Variants in TM4SF19 observed in about 807,000 individuals in gnomAD.
TM4SF19 encodes transmembrane 4 L6 family member 19.
Under a neutral mutation model 21.8 loss-of-function variants are expected in TM4SF19, and 17 were observed. That is an observed-to-expected ratio of 0.78 (90% CI 0.53 to 1.17). TM4SF19 has a LOEUF of 1.17. Among genes scored for constraint, TM4SF19 ranks in the 50% most tolerant of loss-of-function variants. TM4SF19 has a pLI of 0.00. For synonymous variants in TM4SF19, 107 were observed against 106.7 expected (o/e 1.00, Z -0.02); for missense variants, 216 against 252.1 (o/e 0.86, Z 0.97).
intron 1 of TM4SF19, 114 bp from the exon 2 acceptor site, chr3:196,327,705 G>A: frequency 3.6e-6 from 3 of 835,950 alleles, no homozygotes; most frequent in East Asian, 5.3e-5. Flanking sequence ...CCACCTTCCA[G>A]GGTCAGACCA....
intron 1 of TM4SF19, among the ~76,000 whole-genome samples, chr3:196,328,257 G>A (rs1324171014): frequency 2.0e-5 from 3 of 151,334 alleles, no homozygotes; most frequent in African/African-American, 4.9e-5. Flanking sequence ...CTGAGATCAT[G>A]CCACTGCACT....
In TM4SF19 at chr3:196,323,766, A is replaced by C. The variant is rs1354875085; in HGVS notation, c.*51T>G. 2 of 1,614,076 alleles carry C rather than the reference A, an allele frequency of 1.2e-6. No individual in the cohort carries two copies. Among genetic ancestry groups the C allele is most frequent in the Non-Finnish European group, 1.7e-6 (2 of 1,180,002 alleles). The stretch of plus-strand genomic sequence containing the variant: ...TACCCACTCCTTGTAGAAAGGATTC[A>C]AGACAGCCGATGATGAAAACACCCA... On this transcript the variant is annotated 3_prime_UTR_variant, in exon 5 of 5. Coordinates refer to ENST00000273695, the MANE Select transcript of TM4SF19 (RefSeq NM_138461.4).
intron 1 of TM4SF19, among the ~76,000 whole-genome samples, chr3:196,333,266 C>T (rs557034357): frequency 2.0e-5 from 3 of 152,160 alleles, no homozygotes; most frequent in African/African-American, 4.8e-5. Flanking sequence ...AGAAACCTGT[C>T]GTAAAGTTGG....
intron 1 of TM4SF19, among the ~76,000 whole-genome samples, chr3:196,338,031 A>G (rs1235986950): frequency 6.6e-6 from 1 of 152,212 alleles, no homozygotes; most frequent in Non-Finnish European, 1.5e-5. Context: ...TCCCGGAGGA[A>G]GGGCTGCCCA....
rs569125455 is a variant in TM4SF19 at position 196,330,073 on chromosome 3, T to C, written c.-1-2482A>G. The stretch of plus-strand genomic sequence containing the variant: ...TTTTAGTAGAGACAGGGTTTCACTA[T>C]GTTGGCCAGGCTGGTCTTGAACTCC... On this transcript the variant is annotated intron_variant, in intron 1 of 4. Transcript: ENST00000273695. Among the ~76,000 whole-genome samples, 15 of 152,132 alleles carry C rather than the reference T, an allele frequency of 9.9e-5. No individual in the cohort carries two copies. In the South Asian group the frequency reaches 2.9e-3, roughly 29 times the overall value.
In TM4SF19 at chr3:196,331,782, C is replaced by T. The variant is rs569549258; in HGVS notation, c.-1-4191G>A. On this transcript the variant is annotated intron_variant, in intron 1 of 4. Transcript: ENST00000273695. Reference sequence around the variant, plus strand: ...AGCCTGGACAACAAGAGTGAAACTCCGTCTCAGAAGAAAAAAAAATGTAAT... The same window carrying T: ...AGCCTGGACAACAAGAGTGAAACTCTGTCTCAGAAGAAAAAAAAATGTAAT... Among the ~76,000 whole-genome samples the T allele has an allele frequency of 2.6e-5, 4 of 151,644 alleles. No individual in the cohort carries two copies. In the East Asian group the frequency reaches 5.9e-4, roughly 22 times the overall value.
chr3:196,330,112 T>G (rs941878101), intron 1 of TM4SF19, among the ~76,000 whole-genome samples: 3 of 151,446 alleles, frequency 2.0e-5, no homozygotes, highest in Non-Finnish European at 4.4e-5. Flanking sequence ...CCTCAGGTGA[T>G]CTGCCCGCCT....
intron 1 of TM4SF19, among the ~76,000 whole-genome samples, chr3:196,335,313 A>G (rs1577414225): frequency 2.9e-5 from 1 of 34,494 alleles, no homozygotes; most frequent in Non-Finnish European, 5.2e-5. Flanking sequence ...AGGAGAGGGC[A>G]GGGGTGCTTG....
intron 1 of TM4SF19, among the ~76,000 whole-genome samples, chr3:196,332,848 ATTT>A (rs544134464): frequency 3.3e-5 from 4 of 120,846 alleles, no homozygotes; most frequent in African/African-American, 6.1e-5. Flanking sequence ...TCAACTTACA[ATTT>A]TTTTTTTTTT....
At chr3:196,328,092 G>A (rs376471672) in intron 1 of TM4SF19, among the ~76,000 whole-genome samples, 1 of 152,148 alleles carries the variant, frequency 6.6e-6, no homozygotes, top group Non-Finnish European at 1.5e-5. Context: ...ACGAGGTCAG[G>A]AGTTCAAGAC....
intron 2 of TM4SF19, among the ~76,000 whole-genome samples, 159 bp from the exon 3 acceptor site, chr3:196,327,191 G>T (rs866299187): frequency 6.6e-6 from 1 of 152,130 alleles, no homozygotes; most frequent in Non-Finnish European, 1.5e-5. Flanking sequence ...CTGATCTAAC[G>T]CTGTGGATGT....
chr3:196,334,493 G>A (rs930343290), intron 1 of TM4SF19, among the ~76,000 whole-genome samples: 36 of 150,574 alleles, frequency 2.4e-4, no homozygotes, highest in Non-Finnish European at 7.4e-5. Context: ...TCACTCTGTC[G>A]CTCAGGCTGG....
intron 1 of TM4SF19, among the ~76,000 whole-genome samples, chr3:196,330,912 C>T (rs948639354): frequency 1.3e-5 from 2 of 152,078 alleles, no homozygotes; most frequent in African/African-American, 4.8e-5. Flanking sequence ...TATAAAATGC[C>T]TCTTCCACTC....
intron 1 of TM4SF19, among the ~76,000 whole-genome samples, chr3:196,336,477 C>T (rs753872639): frequency 7.2e-5 from 11 of 152,168 alleles, no homozygotes; most frequent in Non-Finnish European, 1.2e-4. Flanking sequence ...TGATGGACAG[C>T]GAGGGAAAAC....
At chr3:196,326,416 T>G (rs1411590403) in intron 3 of TM4SF19, among the ~76,000 whole-genome samples, 2 of 147,874 alleles carry the variant, frequency 1.4e-5, no homozygotes, top group South Asian at 2.2e-4. Flanking sequence ...GTGTGTGTGT[T>G]TGTTACACAC....
intron 1 of TM4SF19, among the ~76,000 whole-genome samples, chr3:196,337,878 C>T (rs1168256594): frequency 6.6e-6 from 1 of 152,064 alleles, no homozygotes; most frequent in Non-Finnish European, 1.5e-5. Flanking sequence ...ATCTCTCCCC[C>T]GAGAAGGCAA....
At chr3:196,333,443 T>C (rs936219745) in intron 1 of TM4SF19, among the ~76,000 whole-genome samples, 8 of 152,348 alleles carry the variant, frequency 5.3e-5, no homozygotes, top group Middle Eastern at 3.4e-3. Context: ...ATGAAAGTTA[T>C]GTGAATGTGG....
chr3:196,334,439 C>T (rs1727639184), intron 1 of TM4SF19, among the ~76,000 whole-genome samples: 1 of 150,904 alleles, frequency 6.6e-6, no homozygotes, highest in South Asian at 2.1e-4. Context: ...CAGAAACAGA[C>T]CCGGTCCAGG....
intron 1 of TM4SF19, among the ~76,000 whole-genome samples, chr3:196,334,547 C>T (rs1477570830): frequency 1.3e-5 from 2 of 151,946 alleles, no homozygotes; most frequent in Non-Finnish European, 2.9e-5. Context: ...TCCGCCTCCC[C>T]GGTTCAAGCG....
Sources: gnomAD v4.1 joint callset for allele counts (sites outside exome capture counted in the v4.1 genomes callset) on GRCh38, gnomAD v4.1.1 for gene constraint, MANE v1.5 for transcripts, NCBI Gene and HGNC (gene_info 2026-07-23, HGNC 2026-07-21) for gene names.